The following HYCC1 variants were observed in gnomAD, a reference collection of about 807,000 sequenced individuals.
HYCC1 encodes the protein hyccin PI4KA lipid kinase complex subunit 1, also known as hyccin.
At chr7:23,013,958 T>G in the HYCC1 span, 41 of 470,804 alleles carry the variant, frequency 8.7e-5, no homozygotes, top group African/African-American at 6.2e-4. Context: ...CTGCAGGACC[T>G]CGACTCGTGA....
chr7:22,972,885 G>T, the HYCC1 span, among the ~76,000 whole-genome samples: 4,835 of 152,254 alleles, frequency 0.032, 270 homozygotes, highest in African/African-American at 0.11. Context: ...CATAGGTGGA[G>T]GGTGGGAAGT....
the HYCC1 span, chr7:22,985,641 C>T: frequency 1.9e-4 from 29 of 152,006 alleles, no homozygotes; most frequent in African/African-American, 5.8e-4. Flanking sequence ...TACATAAAGA[C>T]GAGATTAAGG....
the HYCC1 span, among the ~76,000 whole-genome samples, chr7:23,011,348 T>C: frequency 6.6e-6 from 1 of 152,190 alleles, no homozygotes; most frequent in South Asian, 2.1e-4. Context: ...TATCTATATC[T>C]TCGCCTGAAG....
the HYCC1 span, among the ~76,000 whole-genome samples, chr7:22,985,006 A>T: frequency 1.3e-5 from 2 of 152,142 alleles, no homozygotes; most frequent in African/African-American, 2.4e-5. Flanking sequence ...GAATAAAAAC[A>T]TTTCATTATC....
chr7:23,011,086 C>T, the HYCC1 span, among the ~76,000 whole-genome samples: 101 of 152,320 alleles, frequency 6.6e-4, 1 homozygote, highest in East Asian at 0.012. Context: ...TGTTCCTCCT[C>T]CACTGGAAAA....
At chr7:23,002,347 A>G in the HYCC1 span, among the ~76,000 whole-genome samples, 1 of 151,842 alleles carries the variant, frequency 6.6e-6, no homozygotes, top group African/African-American at 2.4e-5. Flanking sequence ...AATGTGACTA[A>G]GATTATACAC....
the HYCC1 span, among the ~76,000 whole-genome samples, chr7:23,009,055 T>C: frequency 4.1e-4 from 63 of 152,138 alleles, no homozygotes; most frequent in Non-Finnish European, 8.4e-4. Flanking sequence ...AATGACAAAC[T>C]AGGGAAATTA....
At chr7:22,923,704 T>C in the HYCC1 span, among the ~76,000 whole-genome samples, 1 of 151,884 alleles carries the variant, frequency 6.6e-6, no homozygotes, top group African/African-American at 2.4e-5. Context: ...AGAAGTAAAA[T>C]AGGGGGCATT....
chr7:22,950,593 T>C, the HYCC1 span, among the ~76,000 whole-genome samples: 1 of 152,028 alleles, frequency 6.6e-6, no homozygotes, highest in Non-Finnish European at 1.5e-5. Context: ...CTTATGCTAA[T>C]AAGAATTTTT....
the HYCC1 span, among the ~76,000 whole-genome samples, chr7:23,000,811 G>A: frequency 6.6e-6 from 1 of 151,964 alleles, no homozygotes; most frequent in African/African-American, 2.4e-5. Context: ...CAAGAGCTGA[G>A]GGATAGACAT....
At chr7:22,959,859 C>T in the HYCC1 span, among the ~76,000 whole-genome samples, 1 of 152,088 alleles carries the variant, frequency 6.6e-6, no homozygotes, top group African/African-American at 2.4e-5. Flanking sequence ...TTTAAAGTCC[C>T]TATTAGTTGT....
At chr7:22,983,898 C>A in the HYCC1 span, 2 of 1,125,296 alleles carry the variant, frequency 1.8e-6, no homozygotes, top group East Asian at 2.4e-5. Context: ...AATTAAAAAT[C>A]AATCAAGTCA....
At chr7:22,941,817 T>C in the HYCC1 span, 1 of 152,156 alleles carries the variant, frequency 6.6e-6, no homozygotes, top group Non-Finnish European at 1.5e-5. Flanking sequence ...TGTAGAAGTA[T>C]AAATTCATGC....
the HYCC1 span, among the ~76,000 whole-genome samples, chr7:22,929,012 A>C: frequency 6.6e-6 from 1 of 152,192 alleles, no homozygotes; most frequent in Non-Finnish European, 1.5e-5. Flanking sequence ...AATGGAACAG[A>C]ACAGAGCCCT....
the HYCC1 span, among the ~76,000 whole-genome samples, chr7:22,902,907 G>A: frequency 6.6e-6 from 1 of 152,170 alleles, no homozygotes; most frequent in African/African-American, 2.4e-5. Context: ...TGGAAGAAAT[G>A]ATAAATTAAA....
chr7:22,974,656 G>C, the HYCC1 span, among the ~76,000 whole-genome samples: 1 of 152,116 alleles, frequency 6.6e-6, no homozygotes, highest in Non-Finnish European at 1.5e-5. Context: ...TCAGTATCAA[G>C]TTCTGATTTT....
chr7:22,951,339 T>A, the HYCC1 span, among the ~76,000 whole-genome samples: 1 of 151,922 alleles, frequency 6.6e-6, no homozygotes, highest in African/African-American at 2.4e-5. Context: ...AATTTATACA[T>A]CTCTGTACTC....
chr7:22,920,692 G>C, the HYCC1 span, among the ~76,000 whole-genome samples: 1 of 152,280 alleles, frequency 6.6e-6, no homozygotes, highest in African/African-American at 2.4e-5. Flanking sequence ...AAAAGTATGG[G>C]TAAAGGTAAA....
the HYCC1 span, among the ~76,000 whole-genome samples, chr7:23,002,164 A>ATATATATACACAAT: frequency 6.9e-4 from 18 of 26,136 alleles, no homozygotes; most frequent in African/African-American, 1.7e-3. Flanking sequence ...ATATATATAT[A>ATATATATACACAAT]TATATATATA....
Sources: gnomAD v4.1 joint callset for allele counts (sites outside exome capture counted in the v4.1 genomes callset) on GRCh38, gnomAD v4.1.1 for gene constraint, MANE v1.5 for transcripts, NCBI Gene and HGNC (gene_info 2026-07-23, HGNC 2026-07-21) for gene names.